AAMDC: variants seen among roughly 807,000 people sequenced by gnomAD.
AAMDC encodes mth938 domain-containing protein.
In AAMDC, 16 loss-of-function variants were observed where a neutral mutation model predicts 15.5. The ratio of observed to expected loss-of-function variants is 1.03; its 90% confidence interval spans 0.70 to 1.57. AAMDC has a LOEUF of 1.57. Ranked by LOEUF, AAMDC falls within the 40% of genes most tolerant of loss-of-function variation. The pLI is 0.00. For missense variants in AAMDC, 141 were observed against 144.9 expected, an observed-to-expected ratio of 0.97 and a Z score of 0.14; for synonymous variants, 51 against 51.6, an observed-to-expected ratio of 0.99 and a Z score of 0.05.
At chr11:77,847,183 G>C (rs1950181803) in intron 2 of AAMDC, among the ~76,000 whole-genome samples, 1 of 152,160 alleles carries the variant, frequency 6.6e-6, no homozygotes, top group Non-Finnish European at 1.5e-5. Context: ...CTCTGAAAAT[G>C]GCAGTGCCTT....
At chr11:77,891,078 T>C in intron 5 of AAMDC, among the ~76,000 whole-genome samples, 1 of 152,144 alleles carries the variant, frequency 6.6e-6, no homozygotes, top group Non-Finnish European at 1.5e-5. Context: ...ATACATTATC[T>C]CTTTATGTCA....
At chr11:77,874,178 G>A (rs1951534990), downstream of AAMDC, among the ~76,000 whole-genome samples, 1 of 152,138 alleles carries the variant, frequency 6.6e-6, no homozygotes, top group Admixed American at 6.5e-5. Context: ...GAAGCAGACG[G>A]GAGTGAGTGC....
At chr11:77,848,929 T>G (rs1424781669) in intron 2 of AAMDC, among the ~76,000 whole-genome samples, 1 of 151,764 alleles carries the variant, frequency 6.6e-6, no homozygotes, top group Non-Finnish European at 1.5e-5. Flanking sequence ...TAGCTAGAAG[T>G]AGAAGTATGT....
chr11:77,895,969 G>C (rs1260961161), intron 5 of AAMDC, among the ~76,000 whole-genome samples: 4 of 152,150 alleles, frequency 2.6e-5, no homozygotes, highest in Admixed American at 2.6e-4. Flanking sequence ...ATTTAAACTA[G>C]TCTAGACTTT....
chr11:77,828,821 T>A (rs112569729), intron 1 of AAMDC, among the ~76,000 whole-genome samples: 2 of 152,330 alleles, frequency 1.3e-5, no homozygotes, highest in East Asian at 1.9e-4. Flanking sequence ...ATTCCACAGA[T>A]TCACTCTCCA....
rs138245350 is a variant in AAMDC, at chr11:77,866,796, T to G, written c.133-2926T>G. ...TATGTAAGACATTATTATTACAGGA[T>G]TTAATGAAAACTCATATTCATCCTC... On this transcript the variant is annotated intron_variant, in intron 2 of 3. Coordinates refer to ENST00000393427, the MANE Select transcript of AAMDC (RefSeq NM_024684.4). 1.2e-4 allele frequency: 19 copies of G among 152,258 alleles called. No homozygotes were observed. In the East Asian group the frequency reaches 3.5e-3, roughly 28 times the overall value. 9.4% of individuals were successfully genotyped at this position (152,258 alleles called of 1,614,324 possible).
chr11:77,878,943 T>G (rs747706522), intron 5 of AAMDC: 96 of 1,612,892 alleles, frequency 6.0e-5, no homozygotes, highest in Admixed American at 2.0e-4. Flanking sequence ...GAAGACTGTT[T>G]TTGCCTTAGC....
At chr11:77,888,094 A>C (rs1259000442) in intron 5 of AAMDC, among the ~76,000 whole-genome samples, 1 of 152,214 alleles carries the variant, frequency 6.6e-6, no homozygotes, top group East Asian at 1.9e-4. Context: ...ATATGGAACC[A>C]AAAAAGAGCC....
intron 1 of AAMDC, among the ~76,000 whole-genome samples, chr11:77,834,538 CTGA>C (rs1268436208): frequency 6.7e-6 from 1 of 150,364 alleles, no homozygotes; most frequent in Non-Finnish European, 1.5e-5. Context: ...CCTCAGCCTC[CTGA>C]GTAGCTGGAA....
chr11:77,822,711 G>C (rs11237305), intron 1 of AAMDC, among the ~76,000 whole-genome samples: 1 of 152,098 alleles, frequency 6.6e-6, no homozygotes, highest in Admixed American at 6.5e-5. Context: ...TCATAGTCTT[G>C]AGTGGTATAC....
chr11:77,861,797 T>A (rs1171650722), intron 2 of AAMDC, among the ~76,000 whole-genome samples: 5 of 152,168 alleles, frequency 3.3e-5, no homozygotes, highest in Non-Finnish European at 7.3e-5. Context: ...TGGCCTTTTT[T>A]TTATCCCATT....
At chr11:77,901,666 C>G (rs1273916732), downstream of AAMDC, 2 of 755,358 alleles carry the variant, frequency 2.6e-6, no homozygotes, top group African/African-American at 1.8e-5. Context: ...GATTTTACAT[C>G]CTTATGCTTT....
At chr11:77,850,976 G>A (rs984807591) in intron 2 of AAMDC, 2 of 87,958 alleles carry the variant, frequency 2.3e-5, no homozygotes, top group Non-Finnish European at 4.5e-5. Context: ...TTTTTTTTGA[G>A]ATGGAGTCTC....
intron 5 of AAMDC, among the ~76,000 whole-genome samples, chr11:77,895,650 A>C (rs1453560682): frequency 6.6e-6 from 1 of 151,220 alleles, no homozygotes; most frequent in African/African-American, 2.4e-5. Context: ...AAGGAGTGAG[A>C]GGGCTAGAAG....
At chr11:77,826,119 GCCT>G (rs2136040316) in intron 1 of AAMDC, among the ~76,000 whole-genome samples, 1 of 152,282 alleles carries the variant, frequency 6.6e-6, no homozygotes, top group Non-Finnish European at 1.5e-5. Context: ...AGTGGCTCAT[GCCT>G]ATAATCTCAG....
At chr11:77,827,727 T>C (rs1167832173) in intron 1 of AAMDC, among the ~76,000 whole-genome samples, 2 of 152,222 alleles carry the variant, frequency 1.3e-5, no homozygotes, top group African/African-American at 4.8e-5. Context: ...GGATGTTTGC[T>C]ATATCCACTT....
At chr11:77,827,084 G>T (rs200650434) in intron 1 of AAMDC, among the ~76,000 whole-genome samples, 1 of 149,726 alleles carries the variant, frequency 6.7e-6, no homozygotes, top group East Asian at 1.9e-4. Context: ...CAGCCTGGGT[G>T]ACAGAGCGAA....
intron 1 of AAMDC, among the ~76,000 whole-genome samples, chr11:77,829,455 T>C (rs914363689): frequency 2.0e-5 from 3 of 152,198 alleles, no homozygotes; most frequent in Non-Finnish European, 2.9e-5. Context: ...TATAAACCTA[T>C]ACATCTAGAG....
At chr11:77,883,795 G>A in intron 5 of AAMDC, 1 of 1,606,372 alleles carries the variant, frequency 6.2e-7, no homozygotes, top group Non-Finnish European at 8.5e-7. Flanking sequence ...ATCTCCAGCA[G>A]CATATTTCCC....
Sources: allele counts gnomAD v4.1 joint callset (sites outside exome capture counted in the v4.1 genomes callset), GRCh38; gene constraint gnomAD v4.1.1; transcripts MANE v1.5; gene names NCBI Gene and HGNC (gene_info 2026-07-23, HGNC 2026-07-21).